SGCZ: variants seen among roughly 807,000 people sequenced by gnomAD.
SGCZ encodes zeta-sarcoglycan.
Under a neutral mutation model 41.3 loss-of-function variants are expected in SGCZ, and 40 were observed. The observed-to-expected ratio is 0.97, with a 90% CI of 0.75 to 1.26. SGCZ has a LOEUF of 1.26. Among genes scored for constraint, SGCZ ranks in the 50% most tolerant of loss-of-function variants. SGCZ has a pLI of 0.00. For synonymous variants in SGCZ, 206 were observed against 137.5 expected (o/e 1.50, Z -3.49); for missense variants, 552 against 369.8 (o/e 1.49, Z -4.04).
intron 1 of SGCZ, among the ~76,000 whole-genome samples, chr8:14,662,792 G>A (rs1807797509): frequency 1.3e-5 from 2 of 152,130 alleles, no homozygotes; most frequent in Admixed American, 6.6e-5. Flanking sequence ...AAGGGTCCTT[G>A]GAAGTGGAAG....
intron 2 of SGCZ, among the ~76,000 whole-genome samples, chr8:14,443,037 T>C (rs1403221588): frequency 6.6e-6 from 1 of 152,090 alleles, no homozygotes. Context: ...GAGAGCCAAA[T>C]CATGAGTGAA....
intron 1 of SGCZ, among the ~76,000 whole-genome samples, chr8:14,732,630 C>T (rs1798898166): frequency 6.6e-6 from 1 of 152,260 alleles, no homozygotes; most frequent in Admixed American, 6.5e-5. Flanking sequence ...GAAGACTGAG[C>T]TGCTGTTTTC....
At chr8:14,492,748 T>C (rs779480016) in intron 2 of SGCZ, among the ~76,000 whole-genome samples, 2 of 152,178 alleles carry the variant, frequency 1.3e-5, no homozygotes, top group African/African-American at 2.4e-5. Flanking sequence ...TTCCATTTCG[T>C]GATACTTTAA....
At chr8:14,307,784 C>T (rs1416381850) in intron 3 of SGCZ, among the ~76,000 whole-genome samples, 3 of 151,830 alleles carry the variant, frequency 2.0e-5, no homozygotes, top group East Asian at 3.9e-4. Context: ...ATTTTCTCAT[C>T]GTGAAAGCAA....
At chr8:14,453,020 T>C (rs1325972685) in intron 2 of SGCZ, among the ~76,000 whole-genome samples, 1 of 151,976 alleles carries the variant, frequency 6.6e-6, no homozygotes, top group Non-Finnish European at 1.5e-5. Flanking sequence ...CAAGAATCGC[T>C]TGAACCCAGG....
intron 2 of SGCZ, among the ~76,000 whole-genome samples, chr8:14,532,035 A>C (rs1803148000): frequency 6.6e-6 from 1 of 152,122 alleles, no homozygotes. Flanking sequence ...TTCAAAATAG[A>C]AAATCATTTT....
At chr8:15,195,166 A>T (rs536141487) in intron 1 of SGCZ, among the ~76,000 whole-genome samples, 3 of 152,188 alleles carry the variant, frequency 2.0e-5, no homozygotes, top group Non-Finnish European at 4.4e-5. Context: ...TCTAAGTCTT[A>T]TCTAGATCCC....
chr8:14,795,244 T>C (rs898741669), intron 1 of SGCZ, among the ~76,000 whole-genome samples: 2 of 152,220 alleles, frequency 1.3e-5, no homozygotes, highest in African/African-American at 2.4e-5. Flanking sequence ...CATATGTATA[T>C]TCACACTAAA....
chr8:14,093,617 T>C (rs1196809424), intron 7 of SGCZ, among the ~76,000 whole-genome samples: 5 of 152,064 alleles, frequency 3.3e-5, no homozygotes, highest in African/African-American at 1.2e-4. Flanking sequence ...TTGTGAAATA[T>C]GGATGGGAGG....
At chr8:14,703,122 T>C (rs771329165) in intron 1 of SGCZ, among the ~76,000 whole-genome samples, 5 of 152,020 alleles carry the variant, frequency 3.3e-5, no homozygotes, top group Admixed American at 6.6e-5. Context: ...CTTTTAAAGA[T>C]ACATCACATG....
chr8:14,629,937 GA>G (rs1806590888), intron 1 of SGCZ, among the ~76,000 whole-genome samples: 1 of 152,058 alleles, frequency 6.6e-6, no homozygotes, highest in South Asian at 2.1e-4. Context: ...AGTTACTTGT[GA>G]TGACTTGCAT....
At chr8:14,509,634 T>C (rs28559774) in intron 2 of SGCZ, among the ~76,000 whole-genome samples, 1 of 152,112 alleles carries the variant, frequency 6.6e-6, no homozygotes, top group African/African-American at 2.4e-5. Flanking sequence ...GTGAGATGGA[T>C]GTAGAGGCCT....
chr8:14,822,739 A>G (rs1211849686), intron 1 of SGCZ, among the ~76,000 whole-genome samples: 1 of 151,854 alleles, frequency 6.6e-6, no homozygotes, highest in African/African-American at 2.4e-5. Flanking sequence ...AGTCTCTTCA[A>G]TAAATTGTGC....
At chr8:14,155,638 T>C (rs1803853816) in intron 5 of SGCZ, among the ~76,000 whole-genome samples, 1 of 151,638 alleles carries the variant, frequency 6.6e-6, no homozygotes, top group South Asian at 2.1e-4. Flanking sequence ...TATTTATTCA[T>C]TTATAATATG....
At chr8:14,221,720 G>A (rs1023558607) in intron 4 of SGCZ, among the ~76,000 whole-genome samples, 1 of 152,146 alleles carries the variant, frequency 6.6e-6, no homozygotes, top group East Asian at 1.9e-4. Context: ...CAGATCACCT[G>A]AGGTCAGGAG....
At chr8:14,179,137 C>G (rs1480469482) in intron 4 of SGCZ, among the ~76,000 whole-genome samples, 1 of 152,174 alleles carries the variant, frequency 6.6e-6, no homozygotes, top group African/African-American at 2.4e-5. Flanking sequence ...CCAAACAATC[C>G]AGAAATTATG....
chr8:14,653,349 T>C (rs1030792921), intron 1 of SGCZ, among the ~76,000 whole-genome samples: 5 of 152,082 alleles, frequency 3.3e-5, no homozygotes, highest in African/African-American at 9.7e-5. Context: ...AGTTACTAAA[T>C]GAATGAAAGA....
intron 2 of SGCZ, among the ~76,000 whole-genome samples, chr8:14,493,226 C>G: frequency 6.6e-6 from 1 of 151,910 alleles, no homozygotes; most frequent in East Asian, 1.9e-4. Flanking sequence ...GTATTTCTCC[C>G]TCCTCTCCTC....
chr8:14,128,880 T>C (rs1193958645), intron 5 of SGCZ, among the ~76,000 whole-genome samples: 1 of 151,832 alleles, frequency 6.6e-6, no homozygotes, highest in African/African-American at 2.4e-5. Flanking sequence ...TAAGTGGGAG[T>C]TAAATAACAG....
Sources: allele counts gnomAD v4.1 joint callset (sites outside exome capture counted in the v4.1 genomes callset), GRCh38; gene constraint gnomAD v4.1.1; transcripts MANE v1.5; gene names NCBI Gene and HGNC (gene_info 2026-07-23, HGNC 2026-07-21).